The following RBBP6 variants were observed in gnomAD, a reference collection of about 807,000 sequenced individuals.
RBBP6 encodes RB binding protein 6, ubiquitin ligase.
Under a neutral mutation model 167.7 loss-of-function variants are expected in RBBP6, and 25 were observed. The ratio of observed to expected loss-of-function variants is 0.15; its 90% CI spans 0.11 to 0.21. The LOEUF (loss-of-function observed/expected upper bound fraction) is 0.21. Ranked by LOEUF, RBBP6 falls within the 10% of genes least tolerant of loss-of-function variation. The probability of loss-of-function intolerance (pLI) is 1.00; values close to 1 mark genes in which losing one functional copy is unlikely to be tolerated. For missense variants in RBBP6, 1,868 were observed against 2,134.2 expected, an observed-to-expected ratio of 0.88 and a Z score of 2.46; for synonymous variants, 789 against 735.8, an observed-to-expected ratio of 1.07 and a Z score of -1.17.
At chr16:24,563,751 G>A (rs918183898) in intron 13 of RBBP6, 87 bp downstream of exon 13, 6 of 1,279,868 alleles carry the variant, frequency 4.7e-6, no homozygotes, top group Non-Finnish European at 5.5e-6. Context: ...GATAATGGAA[G>A]GTCCAAACTA....
At chr16:24,541,029 C>T (rs1326888378) in intron 1 of RBBP6, among the ~76,000 whole-genome samples, 2 of 151,772 alleles carry the variant, frequency 1.3e-5, no homozygotes. Flanking sequence ...ACGTGGAAGC[C>T]TGATTATTCT....
At chr16:24,554,637 A>T (rs374411976) in intron 4 of RBBP6, 21 of 152,118 alleles carry the variant, frequency 1.4e-4, no homozygotes, top group African/African-American at 5.1e-4. Context: ...TTTAGTATAG[A>T]GTTAACACTT....
At chr16:24,544,021 T>C (rs1898571656) in intron 1 of RBBP6, among the ~76,000 whole-genome samples, 1 of 152,158 alleles carries the variant, frequency 6.6e-6, no homozygotes, top group Admixed American at 6.5e-5. Context: ...AAAGATACTT[T>C]GAGGGGTAAG....
At chr16:24,570,611 G>A (rs1899303239) in intron 17 of RBBP6, 112 bp downstream of exon 17, 1 of 1,051,286 alleles carries the variant, frequency 9.5e-7, no homozygotes, top group Admixed American at 3.4e-5. Flanking sequence ...TAGGGAAGTA[G>A]GCTGGTTTTA....
chr16:24,542,712 C>G (rs554459043), intron 1 of RBBP6, among the ~76,000 whole-genome samples: 14 of 152,296 alleles, frequency 9.2e-5, no homozygotes, highest in African/African-American at 3.1e-4. Flanking sequence ...ATCCACCCAC[C>G]TGGGTCTCCC....
intron 8 of RBBP6, 181 bp downstream of exon 8, chr16:24,559,858 C>T (rs1182692575): frequency 2.1e-5 from 9 of 430,806 alleles, no homozygotes; most frequent in Non-Finnish European, 3.4e-5. Context: ...TAAACAATAA[C>T]CTGTTTGTCC....
At chr16:24,561,576 C>G (rs1899057029) in intron 8 of RBBP6, 36 bp from the exon 9 acceptor site, 1 of 1,541,294 alleles carries the variant, frequency 6.5e-7, no homozygotes. Flanking sequence ...TGAGTTCCTA[C>G]TATGCTTTTA....
At position 24,571,683 on chromosome 16, in the gene RBBP6, C is replaced by T. The variant is rs767307371; in HGVS notation, c.4617C>T (p.Asp1539=). ...SKKSNSSPSR[D]RKPHDHKATY... ...AAAGTAATTCTAGTCCCTCAAGAGA[C>T]AGAAAACCTCATGATCACAAAGCCA... is the stretch of plus-strand genomic sequence containing the variant. Residue 1539 remains aspartate, a synonymous_variant, in exon 18 of 18, where the codon GAC becomes GAT. Coordinates refer to ENST00000319715, the MANE Select transcript of RBBP6 (RefSeq NM_006910.5). The T allele has an allele frequency of 4.6e-5, 75 of 1,613,892 alleles. No individual in the cohort carries two copies. The Admixed American group carries it at 7.5e-4, about 16-fold the overall frequency.
At position 24,561,603 on chromosome 16, in the gene RBBP6, T is replaced by C. The variant is rs1319783429; in HGVS notation, c.848-9T>C. 3.1e-6 allele frequency: 5 copies of C among 1,602,864 alleles called. No homozygotes were observed. Among genetic ancestry groups the C allele is most frequent in the Non-Finnish European group, 4.3e-6 (5 of 1,171,612 alleles). ...ATGCTTTTATTAATATTTGAAATCT[T>C]ATACATAGGTATAAGAACAGCACTC... On this transcript the variant is annotated splice_polypyrimidine_tract_variant and intron_variant, in intron 8 of 17. Transcript: ENST00000319715.
At position 24,560,385 on chromosome 16, in the gene RBBP6, C is replaced by T. The variant is rs1387005908; in HGVS notation, c.847+708C>T. Among the ~76,000 whole-genome samples the T allele has an allele frequency of 2.0e-5, 3 of 152,150 alleles. No homozygotes were observed. The East Asian group carries it at 5.8e-4, about 29-fold the overall frequency. On this transcript the variant is annotated intron_variant, in intron 8 of 17. Coordinates refer to ENST00000319715, the MANE Select transcript of RBBP6 (RefSeq NM_006910.5). Reference sequence around the variant, plus strand: ...CCTCCCCAAGTGCTGGGATTACAGGCGTGAGCCACCGCGCCCGACATCTGT... The same window carrying T: ...CCTCCCCAAGTGCTGGGATTACAGGTGTGAGCCACCGCGCCCGACATCTGT...
rs1899263255 is a variant in RBBP6, at chr16:24,569,105, A to G, written c.2415A>G (p.Pro805=). 2 of 1,613,802 alleles carry G rather than the reference A, an allele frequency of 1.2e-6. No individual in the cohort carries two copies. Among genetic ancestry groups the G allele is most frequent in the Admixed American group, 3.3e-5 (2 of 59,944 alleles). The part of the protein sequence containing the change: ...YFNRYREVPP[P]YDMKAYYGRS... Reference sequence around the variant, plus strand: ...ATAGATACAGAGAAGTTCCACCACCATATGACATGAAAGCATATTATGGGA... The same window carrying G: ...ATAGATACAGAGAAGTTCCACCACCGTATGACATGAAAGCATATTATGGGA... The change falls in exon 17 of 18, where the codon CCA becomes CCG. Residue 805 remains proline (P), a synonymous_variant. Transcript: ENST00000319715.
chr16:24,546,484 A>C (rs913577441), intron 2 of RBBP6, among the ~76,000 whole-genome samples: 15 of 151,976 alleles, frequency 9.9e-5, no homozygotes, highest in Non-Finnish European at 2.2e-4. Context: ...ATTAGGAAAA[A>C]TTTTTCTCCA....
rs1596500699 is a variant in RBBP6, at chr16:24,547,700, C to G, written c.267-1245C>G. ...CAAACTCCTGACCTCAGGTGATCCA[C>G]CCAACTTGGCCTCCCAAAGTACTGA... On this transcript the variant is annotated intron_variant, in intron 2 of 17. Coordinates refer to ENST00000319715, the MANE Select transcript of RBBP6 (RefSeq NM_006910.5). 5.3e-5 allele frequency among the ~76,000 whole-genome samples: 8 copies of G among 152,272 alleles called. 1 individual carries two copies. The highest frequency in any genetic ancestry group is 4.1e-4 in the South Asian group (2 of 4,824).
chr16:24,550,577 A>G (rs1161416248), intron 3 of RBBP6, among the ~76,000 whole-genome samples: 1 of 151,754 alleles, frequency 6.6e-6, no homozygotes, highest in Non-Finnish European at 1.5e-5. Context: ...TTATTTCTTG[A>G]AAACAGTTAT....
Position 24,569,396 on chromosome 16 carries a change from T to C in RBBP6, c.2706T>C (p.Leu902=), listed in dbSNP as rs1247434348. Residue 902 remains leucine, a synonymous_variant, in exon 17 of 18, where the codon CTT becomes CTC. Transcript: ENST00000319715. ...TAGGTAGCAACTATCCAGAAAAGCT[T>C]TCAGCAAGAGATGGTCACAATCAGA... ...RNIGSNYPEK[L]SARDGHNQKD... is the part of the protein sequence containing the mutation. The C allele has an allele frequency of 1.9e-6, 3 of 1,613,848 alleles. No individual in the cohort carries two copies. The South Asian group carries it at 3.3e-5, about 18-fold the overall frequency.
At position 24,562,064 on chromosome 16, in the gene RBBP6, G is replaced by A; in HGVS notation, c.1192G>A (p.Val398Met). Residue 398 changes from valine (V) to methionine (M), a missense_variant, in exon 10 of 18, where the codon GTG becomes ATG. Val to Met is a conservative substitution (Grantham distance 21). Coordinates refer to ENST00000319715, the MANE Select transcript of RBBP6 (RefSeq NM_006910.5). ...TSNQSSLAPP[V>M]SGNPSSAPAP... ...TAATCAGTCTTCCTTGGCCCCTCCT[G>A]TGTCTGGAAATCCGTCTTCTGCTCC... 1.2e-6 allele frequency: 2 copies of A among 1,613,236 alleles called. No individual in the cohort carries two copies. The highest frequency in any genetic ancestry group is 1.7e-6 in the Non-Finnish European group (2 of 1,179,302).
intron 13 of RBBP6, among the ~76,000 whole-genome samples, chr16:24,564,030 A>G (rs1441426451): frequency 6.6e-6 from 1 of 152,100 alleles, no homozygotes; most frequent in Non-Finnish European, 1.5e-5. Context: ...AACTTTTTCT[A>G]CCCTTAATTT....
chr16:24,559,915 A>G, intron 8 of RBBP6: 1 of 272,416 alleles, frequency 3.7e-6, no homozygotes, highest in Non-Finnish European at 6.7e-6. Flanking sequence ...GGGTGACTAT[A>G]CTGAGGTGTT....
chr16:24,546,278 C>G lies in RBBP6; in HGVS notation c.266+16C>G. ...CATATGTTATGTAAGTATCAAATCT[C>G]ATGTATTTCTCAAAATAGACTTTTT... On this transcript the variant is annotated intron_variant, in intron 2 of 17. Transcript: ENST00000319715. The G allele has an allele frequency of 6.5e-7, 1 of 1,531,906 alleles. No individual in the cohort carries two copies. The highest frequency in any genetic ancestry group is 8.7e-7 in the Non-Finnish European group (1 of 1,149,452). The allele number at this position is 1,531,906 out of a possible 1,614,324, so 94.9% of individuals were successfully genotyped here.
Sources: gnomAD v4.1 joint callset for allele counts (sites outside exome capture counted in the v4.1 genomes callset) on GRCh38, gnomAD v4.1.1 for gene constraint, MANE v1.5 for transcripts, NCBI Gene and HGNC (gene_info 2026-07-23, HGNC 2026-07-21) for gene names.